The following RDH10 variants were observed in gnomAD, a reference collection of about 807,000 sequenced individuals.
The protein encoded by RDH10 is retinol dehydrogenase 10 (all-trans).
RDH10 carries 12 observed loss-of-function variants against 30.2 expected under a neutral mutation model. The ratio of observed to expected loss-of-function variants is 0.40; its 90% CI spans 0.25 to 0.64. RDH10 has a LOEUF of 0.64. Ranked by LOEUF, RDH10 falls within the 30% of genes least tolerant of loss-of-function variation. The pLI, the probability that RDH10 is intolerant of heterozygous loss-of-function variation, is 0.43. For synonymous variants in RDH10, 189 were observed against 172.2 expected (o/e 1.10, Z -0.76); for missense variants, 268 against 445.2 (o/e 0.60, Z 3.58).
At chr8:73,296,669 C>T (rs866373592) in intron 1 of RDH10, among the ~76,000 whole-genome samples, 16 of 152,088 alleles carry the variant, frequency 1.1e-4, no homozygotes, top group African/African-American at 3.6e-4. Flanking sequence ...GCCAGTGATC[C>T]CTATTTCTTC....
At position 73,321,048 on chromosome 8, in the gene RDH10, C is replaced by T. The variant is rs1814762887; in HGVS notation, c.741C>T (p.Asp247=). 3 of 1,613,876 alleles carry T rather than the reference C, an allele frequency of 1.9e-6. No individual in the cohort carries two copies. The highest frequency in any genetic ancestry group is 2.2e-5 in the East Asian group (1 of 44,884). The part of the protein sequence containing the change: ...KTTLVCPYLV[D]TGMFRGCRIR... ...CCTTGGTTTGCCCTTATCTTGTAGA[C>T]ACTGGCATGTTCAGAGGCTGCCGAA... Residue 247 remains aspartate, a synonymous_variant, in exon 4 of 6, where the codon GAC becomes GAT. Coordinates refer to ENST00000240285, the MANE Select transcript of RDH10 (RefSeq NM_172037.5).
rs1368646440 is a variant in RDH10, at chr8:73,322,688, T to G, written c.780T>G (p.Ile260Met). 1.2e-6 allele frequency: 2 copies of G among 1,609,358 alleles called. No individual in the cohort carries two copies. Among genetic ancestry groups the G allele is most frequent in the Non-Finnish European group, 1.7e-6 (2 of 1,178,622 alleles). The change falls in exon 5 of 6, where the codon ATT (isoleucine) becomes ATG (methionine). Residue 260 changes from isoleucine (I) to methionine (M), a missense_variant. Around this residue, in one of 4 missense-constraint regions of RDH10, gnomAD observed 136 missense variants for 288.8 expected, o/e 0.47. Transcript: ENST00000240285. Reference protein sequence around the residue: ...MFRGCRIRKEIEPFLPPLKPD... With the variant: ...MFRGCRIRKEMEPFLPPLKPD... Reference sequence around the variant, plus strand: ...AATAAATAACTTTCAGGAAAGAAATTGAGCCTTTTCTGCCACCTCTGAAGC... The same window carrying G: ...AATAAATAACTTTCAGGAAAGAAATGGAGCCTTTTCTGCCACCTCTGAAGC...
In RDH10 at chr8:73,321,647, G is replaced by T. The variant is rs1563552874; in HGVS notation, c.770+570G>T. 3 of 367,464 alleles carry T rather than the reference G, an allele frequency of 8.2e-6. No homozygotes were observed. The East Asian group carries it at 2.2e-4, about 27-fold the overall frequency. 22.8% of individuals were successfully genotyped at this position (367,464 alleles called of 1,614,324 possible). On this transcript the variant is annotated intron_variant, in intron 4 of 5. Coordinates refer to ENST00000240285, the MANE Select transcript of RDH10 (RefSeq NM_172037.5). Reference sequence around the variant, plus strand: ...CCACACACATAGAAAGGAGGTATATGGGAATATAAATGTCAAGTTACATCT... The same window carrying T: ...CCACACACATAGAAAGGAGGTATATTGGAATATAAATGTCAAGTTACATCT...
At chr8:73,314,741 G>A (rs1471747315) in intron 2 of RDH10, among the ~76,000 whole-genome samples, 2 of 152,206 alleles carry the variant, frequency 1.3e-5, no homozygotes, top group South Asian at 2.1e-4. Flanking sequence ...TTTGGTGGTT[G>A]TTGACGCTGT....
intron 2 of RDH10, among the ~76,000 whole-genome samples, chr8:73,300,875 G>A (rs1814360585): frequency 1.3e-5 from 2 of 152,072 alleles, no homozygotes; most frequent in Non-Finnish European, 2.9e-5. Context: ...TCAACCCTTT[G>A]TTTTCCAGTG....
intron 2 of RDH10, among the ~76,000 whole-genome samples, chr8:73,308,475 C>G (rs2130366790): frequency 6.6e-6 from 1 of 152,320 alleles, no homozygotes; most frequent in Non-Finnish European, 1.5e-5. Flanking sequence ...CTATGGTTCA[C>G]TTGTCCAAGG....
In RDH10 at chr8:73,322,775, T is replaced by C. The variant is rs1259843779; in HGVS notation, c.867T>C (p.Thr289=). 2 of 1,614,040 alleles carry C rather than the reference T, an allele frequency of 1.2e-6. No homozygotes were observed. The highest frequency in any genetic ancestry group is 2.7e-5 in the African/African-American group (2 of 74,922). Residue 289 remains threonine, a synonymous_variant, in exon 5 of 6, where the codon ACT becomes ACC. Transcript: ENST00000240285. ...TCACTGACCAGCCCATGATCTGCAC[T>C]CCCCGCCTCATGTACATCGTGACCT... ...AILTDQPMIC[T]PRLMYIVTFM...
chr8:73,308,130 T>C (rs1220001471), intron 2 of RDH10, among the ~76,000 whole-genome samples: 1 of 152,224 alleles, frequency 6.6e-6, no homozygotes, highest in Admixed American at 6.5e-5. Flanking sequence ...AAGTCACGAA[T>C]GGATAGGGCT....
rs1322145882 is a variant in RDH10, at chr8:73,324,941, C to G, written c.*1905C>G. 2 of 152,184 alleles carry G rather than the reference C, an allele frequency of 1.3e-5. No individual in the cohort carries two copies. The highest frequency in any genetic ancestry group is 2.9e-5 in the Non-Finnish European group (2 of 68,034). The allele number at this position is 152,184 out of a possible 1,614,324, so 9.4% of individuals were successfully genotyped here. On this transcript the variant is annotated 3_prime_UTR_variant, in exon 6 of 6. Coordinates refer to ENST00000240285, the MANE Select transcript of RDH10 (RefSeq NM_172037.5). Reference sequence around the variant, plus strand: ...TCCATTTCTCTTTATCAAAGATAACCAAACCTTATGGCCCTTATAACAATG... The same window carrying G: ...TCCATTTCTCTTTATCAAAGATAACGAAACCTTATGGCCCTTATAACAATG...
rs1240228485 is a variant in RDH10, at chr8:73,319,033, G to A, written c.526-63G>A. 4 of 1,081,454 alleles carry A rather than the reference G, an allele frequency of 3.7e-6. No individual in the cohort carries two copies. In the African/African-American group the frequency reaches 6.3e-5, roughly 17 times the overall value. The allele number at this position is 1,081,454 out of a possible 1,614,324, so 67.0% of individuals were successfully genotyped here. A position where few individuals can be genotyped will look rare whatever the true frequency, so the allele number is the denominator to read the frequency against. On this transcript the variant is annotated intron_variant, in intron 2 of 5. Coordinates refer to ENST00000240285, the MANE Select transcript of RDH10 (RefSeq NM_172037.5). ...GAATAAAAGTTTGTTTTGTGATCCTGGACTGGGTTTTAGATGAAATTCATG... is the reference window on the plus strand; with the variant it reads ...GAATAAAAGTTTGTTTTGTGATCCTAGACTGGGTTTTAGATGAAATTCATG...
chr8:73,324,178 A>G lies in RDH10; in HGVS notation c.*1142A>G, dbSNP rs1814824590. The G allele has an allele frequency of 6.6e-6, 1 of 152,626 alleles. No individual in the cohort carries two copies. The highest frequency in any genetic ancestry group is 2.1e-4 in the South Asian group (1 of 4,832). 9.5% of individuals were successfully genotyped at this position (152,626 alleles called of 1,614,324 possible). A position where few individuals can be genotyped will look rare whatever the true frequency, so the allele number is the denominator to read the frequency against. Reference sequence around the variant, plus strand: ...GGAACTTCTACATTGAAAAGTCCCCATTTTTGTGCCAACTATGATTAGTGA... The same window carrying G: ...GGAACTTCTACATTGAAAAGTCCCCGTTTTTGTGCCAACTATGATTAGTGA... On this transcript the variant is annotated 3_prime_UTR_variant, in exon 6 of 6. Coordinates refer to ENST00000240285, the MANE Select transcript of RDH10 (RefSeq NM_172037.5).
intron 2 of RDH10, 194 bp downstream of exon 2, chr8:73,297,623 C>T: frequency 1.9e-6 from 1 of 540,210 alleles, no homozygotes; most frequent in Non-Finnish European, 3.3e-6. Flanking sequence ...CCCCCCGCCA[C>T]CCCTAACTCA....
intron 2 of RDH10, among the ~76,000 whole-genome samples, chr8:73,306,892 G>T (rs4401855): frequency 0.99 from 150,901 of 152,338 alleles, 74,739 homozygotes; most frequent in African/African-American, 1. Context: ...AACATAAGTG[G>T]TACTTATGTA....
rs532655815 is a variant in RDH10 at position 73,325,231 on chromosome 8, T to C, written c.*2195T>C. On this transcript the variant is annotated 3_prime_UTR_variant, in exon 6 of 6. Transcript: ENST00000240285. ...AACCTATTTCTATTTTTGTTTGTTA[T>C]TGCCCTTATAAGGGTGTCCATCTCC... is the stretch of plus-strand genomic sequence containing the variant. 5.3e-5 allele frequency: 8 copies of C among 152,366 alleles called. No homozygotes were observed. The highest frequency in any genetic ancestry group is 1.4e-4 in the African/African-American group (6 of 41,590). 9.4% of individuals were successfully genotyped at this position (152,366 alleles called of 1,614,324 possible). A position where few individuals can be genotyped will look rare whatever the true frequency, so the allele number is the denominator to read the frequency against.
intron 2 of RDH10, among the ~76,000 whole-genome samples, chr8:73,305,354 T>C (rs1337598520): frequency 6.6e-6 from 1 of 152,238 alleles, no homozygotes; most frequent in Non-Finnish European, 1.5e-5. Flanking sequence ...TAGCCTCACC[T>C]GAGAGTTAGA....
At chr8:73,302,711 T>C (rs1244400421) in intron 2 of RDH10, among the ~76,000 whole-genome samples, 2 of 152,274 alleles carry the variant, frequency 1.3e-5, no homozygotes, top group Admixed American at 6.5e-5. Context: ...AAAATATCTC[T>C]CTGTATTCTA....
chr8:73,318,916 G>A (rs1270199643), intron 2 of RDH10, among the ~76,000 whole-genome samples, 180 bp from the exon 3 acceptor site: 2 of 152,180 alleles, frequency 1.3e-5, no homozygotes, highest in Non-Finnish European at 2.9e-5. Flanking sequence ...CTGCCATGCC[G>A]ATGATACAGT....
intron 3 of RDH10, 103 bp from the exon 4 acceptor site, chr8:73,320,829 G>A: frequency 9.1e-7 from 1 of 1,095,646 alleles, no homozygotes; most frequent in Non-Finnish European, 1.3e-6. Flanking sequence ...GTAACCTTAT[G>A]TATTAGACAT....
At chr8:73,303,197 TAGA>T (rs1814409128) in intron 2 of RDH10, among the ~76,000 whole-genome samples, 1 of 152,216 alleles carries the variant, frequency 6.6e-6, no homozygotes, top group East Asian at 1.9e-4. Context: ...GCCCACCAGC[TAGA>T]TCTGAGTAAT....
Sources: allele counts gnomAD v4.1 joint callset (sites outside exome capture counted in the v4.1 genomes callset), GRCh38; gene constraint gnomAD v4.1.1; regional missense constraint gnomAD v4.1.1; transcripts MANE v1.5; gene names NCBI Gene and HGNC (gene_info 2026-07-23, HGNC 2026-07-21).